CACNA1A: variants seen among roughly 807,000 people sequenced by gnomAD.
CACNA1A encodes voltage-dependent P/Q-type calcium channel subunit alpha-1A.
Under a neutral mutation model 262.4 loss-of-function variants are expected in CACNA1A, and 57 were observed. The observed-to-expected ratio is 0.22, with a 90% CI of 0.18 to 0.27. The LOEUF (loss-of-function observed/expected upper bound fraction) is 0.27, where lower values mean the gene tolerates loss of function less well. Among genes scored for constraint, CACNA1A ranks in the 10% least tolerant of loss-of-function variants. The pLI is 1.00. For synonymous variants in CACNA1A, 1,431 were observed against 1,419.3 expected (o/e 1.01, Z -0.18); for missense variants, 2,526 against 3,562.8 (o/e 0.71, Z 7.41).
At chr19:13,352,929 T>C (rs1488291147) in intron 6 of CACNA1A, among the ~76,000 whole-genome samples, 2 of 152,026 alleles carry the variant, frequency 1.3e-5, no homozygotes, top group Non-Finnish European at 2.9e-5. Flanking sequence ...CCCGCCACCA[T>C]GCCTGGCTAA....
intron 1 of CACNA1A, among the ~76,000 whole-genome samples, chr19:13,476,659 T>C (rs930965612): frequency 1.3e-5 from 2 of 152,220 alleles, no homozygotes; most frequent in African/African-American, 4.8e-5. Flanking sequence ...AGGGTGACTG[T>C]AGTAAGTGCT....
chr19:13,335,745 C>T (rs1421927058), intron 7 of CACNA1A, 61 bp downstream of exon 7: 9 of 1,103,818 alleles, frequency 8.2e-6, no homozygotes, highest in Non-Finnish European at 1.2e-5. Flanking sequence ...ATGGCCTCTA[C>T]TTGGAAAGAA....
chr19:13,231,002 G>GTT (rs753784282), intron 35 of CACNA1A, among the ~76,000 whole-genome samples: 211 of 148,734 alleles, frequency 1.4e-3, no homozygotes, highest in Middle Eastern at 6.8e-3. Flanking sequence ...TTTTTTTTTT[G>GTT]TTTGTTTTTG....
chr19:13,454,226 G>A (rs943110977), intron 2 of CACNA1A, among the ~76,000 whole-genome samples: 20 of 151,284 alleles, frequency 1.3e-4, no homozygotes, highest in Admixed American at 7.2e-4. Context: ...GCTGAAAGTC[G>A]CAACCCTCGA....
intron 3 of CACNA1A, among the ~76,000 whole-genome samples, chr19:13,401,972 C>G (rs1436433176): frequency 6.6e-6 from 1 of 152,208 alleles, no homozygotes; most frequent in Non-Finnish European, 1.5e-5. Flanking sequence ...CCACCACATC[C>G]GGCCACCAGT....
rs753884600 is a variant in CACNA1A at position 13,208,765 on chromosome 19, C to T, written c.6771G>A (p.Ala2257=). 8 of 1,574,422 alleles carry T rather than the reference C, an allele frequency of 5.1e-6. No homozygotes were observed. The highest frequency in any genetic ancestry group is 4.5e-4 in the Middle Eastern group (2 of 4,422). The change falls in exon 46 of 47, where the codon GCG becomes GCA. Residue 2257 remains alanine, a synonymous_variant. Transcript: ENST00000360228. ...TTGCAGCCGCACCCACCTGCCGGTG[C>T]GCCATGTGCTCTCGGCCCTCGCTGG... ...RSPSEGREHM[A]HRQGSSSVSG... is the part of the protein sequence containing the mutation.
At chr19:13,402,771 TATATATAC>T (rs1327461934) in intron 3 of CACNA1A, among the ~76,000 whole-genome samples, 8 of 130,736 alleles carry the variant, frequency 6.1e-5, no homozygotes, top group South Asian at 5.1e-4. Context: ...TATATATACA[TATATATAC>T]ATATATATAC....
At chr19:13,278,530 C>T (rs560368838) in intron 22 of CACNA1A, among the ~76,000 whole-genome samples, 1 of 152,126 alleles carries the variant, frequency 6.6e-6, no homozygotes, top group East Asian at 1.9e-4. Flanking sequence ...ATCCTCTTTA[C>T]GAAGTCTCTC....
chr19:13,215,619 C>A (rs1163761273), intron 38 of CACNA1A, among the ~76,000 whole-genome samples: 1 of 118,864 alleles, frequency 8.4e-6, no homozygotes, highest in African/African-American at 3.3e-5. Context: ...CGCGTCTGGC[C>A]TGTTTTTTTT....
intron 3 of CACNA1A, among the ~76,000 whole-genome samples, chr19:13,389,634 G>A (rs755460339): frequency 4.0e-5 from 6 of 151,866 alleles, no homozygotes; most frequent in African/African-American, 4.8e-5. Context: ...CATCTTTCTG[G>A]TTACAAATGA....
intron 3 of CACNA1A, among the ~76,000 whole-genome samples, chr19:13,408,008 G>A (rs2060044112): frequency 6.6e-6 from 1 of 152,112 alleles, no homozygotes; most frequent in Non-Finnish European, 1.5e-5. Context: ...ATGTGAAGAT[G>A]TGCTTGTTTC....
chr19:13,310,729 G>A (rs913324813), intron 12 of CACNA1A, among the ~76,000 whole-genome samples: 3 of 151,058 alleles, frequency 2.0e-5, no homozygotes, highest in East Asian at 3.9e-4. Flanking sequence ...TACAGCAAAG[G>A]GATACACGGA....
intron 1 of CACNA1A, among the ~76,000 whole-genome samples, chr19:13,464,469 TTA>T (rs1281148726): frequency 6.6e-6 from 1 of 152,068 alleles, no homozygotes; most frequent in African/African-American, 2.4e-5. Flanking sequence ...AGGATACAAT[TTA>T]TCTCATTGTA....
At chr19:13,368,607 G>A (rs2059259658) in intron 4 of CACNA1A, among the ~76,000 whole-genome samples, 1 of 152,150 alleles carries the variant, frequency 6.6e-6, no homozygotes, top group Non-Finnish European at 1.5e-5. Context: ...CAAAATGAAG[G>A]TTCAAACATA....
intron 1 of CACNA1A, among the ~76,000 whole-genome samples, chr19:13,481,162 C>T (rs939139693): frequency 6.6e-6 from 1 of 152,202 alleles, no homozygotes; most frequent in African/African-American, 2.4e-5. Flanking sequence ...ACTCTCATTA[C>T]CATGGCTGTC....
rs2144771410 is a variant in CACNA1A, at chr19:13,262,504, A to G, written c.4089+230T>C. 6 of 509,266 alleles carry G rather than the reference A, an allele frequency of 1.2e-5. No homozygotes were observed. The South Asian group carries it at 1.4e-4, about 12-fold the overall frequency. 31.5% of individuals were successfully genotyped at this position (509,266 alleles called of 1,614,324 possible). On this transcript the variant is annotated intron_variant, in intron 25 of 46. Transcript: ENST00000360228. ...ATTAGGAAAAAGGATCTTAACCCCAAGACACTTCATCTAAAGAAAAACTGC... is the reference window on the plus strand; with the variant it reads ...ATTAGGAAAAAGGATCTTAACCCCAGGACACTTCATCTAAAGAAAAACTGC...
Position 13,262,634 on chromosome 19 carries a change from T to C in CACNA1A, c.4089+100A>G, listed in dbSNP as rs1320400288. The C allele has an allele frequency of 4.2e-6, 3 of 717,964 alleles. No homozygotes were observed. The Admixed American group carries it at 6.3e-5, about 15-fold the overall frequency. The allele number at this position is 717,964 out of a possible 1,614,324, so 44.5% of individuals were successfully genotyped here. The stretch of plus-strand genomic sequence containing the variant: ...CGATGGCTAGGATGTTATCAGCACC[T>C]CCTTTAATGTGTTGTCCTTGAGCAG... On this transcript the variant is annotated intron_variant, in intron 25 of 46. Transcript: ENST00000360228.
At chr19:13,322,068 G>A (rs2058266387) in intron 10 of CACNA1A, among the ~76,000 whole-genome samples, 2 of 151,982 alleles carry the variant, frequency 1.3e-5, no homozygotes, top group South Asian at 4.2e-4. Flanking sequence ...CGGGCATGGT[G>A]GCACACGCCT....
chr19:13,331,034 T>C (rs1470105334), intron 9 of CACNA1A, among the ~76,000 whole-genome samples: 3 of 152,116 alleles, frequency 2.0e-5, no homozygotes, highest in Non-Finnish European at 2.9e-5. Context: ...AGCAGACAAG[T>C]TCAGGTGTAG....
Sources: allele counts gnomAD v4.1 joint callset (sites outside exome capture counted in the v4.1 genomes callset), GRCh38; gene constraint gnomAD v4.1.1; transcripts MANE v1.5; gene names NCBI Gene and HGNC (gene_info 2026-07-23, HGNC 2026-07-21).